Variants in PECAM1 observed in about 807,000 individuals in gnomAD.
PECAM1 encodes the protein platelet endothelial cell adhesion molecule.
PECAM1 carries 8 observed loss-of-function variants against 13.8 expected under a neutral mutation model. The observed-to-expected ratio is 0.58, with a 90% CI of 0.34 to 1.05. The LOEUF (loss-of-function observed/expected upper bound fraction) is 1.05. Ranked by LOEUF, PECAM1 falls within the 50% of genes least tolerant of loss-of-function variation. The pLI, the probability that PECAM1 is intolerant of heterozygous loss-of-function variation, is 0.03. For missense variants in PECAM1, 304 were observed against 141.2 expected, an observed-to-expected ratio of 2.15 and a Z score of -5.84; for synonymous variants, 136 against 52.6, an observed-to-expected ratio of 2.58 and a Z score of -6.86.
At chr17:64,371,728 G>A (rs1236389336) in intron 4 of PECAM1, among the ~76,000 whole-genome samples, 1 of 152,152 alleles carries the variant, frequency 6.6e-6, no homozygotes, top group Non-Finnish European at 1.5e-5. Context: ...TACTCAGGAG[G>A]CTGAGGCAGG....
At chr17:64,385,481 C>T (rs1272973868) in intron 2 of PECAM1, among the ~76,000 whole-genome samples, 2 of 152,128 alleles carry the variant, frequency 1.3e-5, no homozygotes, top group Non-Finnish European at 2.9e-5. Flanking sequence ...GCATAGAGTC[C>T]CTGATGAACT....
intron 15 of PECAM1, among the ~76,000 whole-genome samples, chr17:64,325,315 G>A (rs942575468): frequency 1.3e-5 from 2 of 152,152 alleles, no homozygotes; most frequent in African/African-American, 4.8e-5. Flanking sequence ...GTGAACCCGG[G>A]AGGCGGAGCT....
At position 64,322,476 on chromosome 17, in the gene PECAM1, C is replaced by T; in HGVS notation, c.*1340G>A. ...CCTCAGCACTATAGATGCATGTGGC[C>T]CCTCAGAAGACAACATTTCACAGAT... On this transcript the variant is annotated 3_prime_UTR_variant, in exon 16 of 16. Transcript: ENST00000563924. 2.0e-6 allele frequency: 2 copies of T among 985,396 alleles called. No individual in the cohort carries two copies. Among genetic ancestry groups the T allele is most frequent in the Non-Finnish European group, 2.4e-6 (2 of 829,958 alleles). The allele number at this position is 985,396 out of a possible 1,614,324, so 61.0% of individuals were successfully genotyped here. A position where few individuals can be genotyped will look rare whatever the true frequency, so the allele number is the denominator to read the frequency against.
rs1025001624 is a variant in PECAM1, at chr17:64,350,977, A to G, written c.1991-544T>C. On this transcript the variant is annotated intron_variant, in intron 11 of 15. Coordinates refer to ENST00000563924, the MANE Select transcript of PECAM1 (RefSeq NM_000442.5). ...CTGCAACCTCCACCTCCCAGGTTCA[A>G]GGGATTCTCCTGCCTCAGCCTGCTG... Among the ~76,000 whole-genome samples, 60 of 152,256 alleles carry G rather than the reference A, an allele frequency of 3.9e-4. 1 individual carries two copies. Among genetic ancestry groups the G allele is most frequent in the Non-Finnish European group, 7.6e-4 (52 of 68,018 alleles).
At chr17:64,375,685 G>A (rs111221638) in intron 3 of PECAM1, among the ~76,000 whole-genome samples, 212 of 151,890 alleles carry the variant, frequency 1.4e-3, no homozygotes, top group African/African-American at 4.8e-3. Context: ...TTAGCCAGGG[G>A]TAGTTAGTGG....
chr17:64,356,644 T>C (rs12948665), intron 7 of PECAM1, among the ~76,000 whole-genome samples: 58,058 of 151,696 alleles, frequency 0.38, 12,981 homozygotes, highest in East Asian at 0.53. Context: ...CCAGCTAACT[T>C]TTTGGATTTT....
At chr17:64,339,615 CG>C (rs2035374741) in intron 14 of PECAM1, among the ~76,000 whole-genome samples, 1 of 151,738 alleles carries the variant, frequency 6.6e-6, no homozygotes, top group Non-Finnish European at 1.5e-5. Flanking sequence ...AAATAGAGAA[CG>C]GCTGTTTATT....
intron 3 of PECAM1, among the ~76,000 whole-genome samples, chr17:64,375,683 G>A (rs1255577371): frequency 1.1e-4 from 16 of 151,652 alleles, no homozygotes; most frequent in Non-Finnish European, 2.1e-4. Context: ...AATTAGCCAG[G>A]GGTAGTTAGT....
At position 64,323,259 on chromosome 17, in the gene PECAM1, C is replaced by A. The variant is rs1486931742; in HGVS notation, c.*557G>T. On this transcript the variant is annotated 3_prime_UTR_variant, in exon 16 of 16. Coordinates refer to ENST00000563924, the MANE Select transcript of PECAM1 (RefSeq NM_000442.5). ...TTCACAGGCGGTGCTCCCAAGTAGT[C>A]TGGTTTTCCCATTTGTGGAGGGCGA... 3 of 992,648 alleles carry A rather than the reference C, an allele frequency of 3.0e-6. No homozygotes were observed. Among genetic ancestry groups the A allele is most frequent in the Non-Finnish European group, 3.6e-6 (3 of 834,322 alleles). The allele number at this position is 992,648 out of a possible 1,614,324, so 61.5% of individuals were successfully genotyped here.
At chr17:64,334,948 C>T (rs1281203425) in intron 14 of PECAM1, among the ~76,000 whole-genome samples, 1 of 152,138 alleles carries the variant, frequency 6.6e-6, no homozygotes, top group Non-Finnish European at 1.5e-5. Context: ...CTCCTTCCAA[C>T]AAGAAGCAGA....
chr17:64,367,443 G>A (rs1165033126), intron 5 of PECAM1, among the ~76,000 whole-genome samples: 2 of 151,784 alleles, frequency 1.3e-5, no homozygotes, highest in Non-Finnish European at 2.9e-5. Context: ...CCAGCTACTC[G>A]GGAGGCTGAG....
At chr17:64,387,649 C>T (rs1247522552) in intron 2 of PECAM1, among the ~76,000 whole-genome samples, 7 of 152,190 alleles carry the variant, frequency 4.6e-5, no homozygotes, top group East Asian at 3.9e-4. Flanking sequence ...ATGTGTCCTC[C>T]GAGGCCGGGA....
chr17:64,343,368 C>G (rs2035482572), intron 13 of PECAM1, among the ~76,000 whole-genome samples: 4 of 152,120 alleles, frequency 2.6e-5, no homozygotes, highest in African/African-American at 9.7e-5. Flanking sequence ...CACACCCACA[C>G]TCACTCTCCC....
chr17:64,361,350 TG>T (rs1306110038), intron 6 of PECAM1, among the ~76,000 whole-genome samples: 2 of 152,026 alleles, frequency 1.3e-5, no homozygotes, highest in Non-Finnish European at 2.9e-5. Context: ...TTCACCATGT[TG>T]GCCAGGCTGG....
chr17:64,343,953 C>A lies in PECAM1; in HGVS notation c.2108-2263G>T, dbSNP rs1384041470. Among the ~76,000 whole-genome samples the A allele has an allele frequency of 2.0e-5, 3 of 152,310 alleles. No individual in the cohort carries two copies. In the East Asian group the frequency reaches 5.8e-4, roughly 29 times the overall value. On this transcript the variant is annotated intron_variant, in intron 13 of 15. Coordinates refer to ENST00000563924, the MANE Select transcript of PECAM1 (RefSeq NM_000442.5). ...AGAATCCTAGACACCTAGTGTGAAC[C>A]CCGCACTGTGGAAGAGGAAAGGTGA...
At chr17:64,362,811 T>G (rs2036015266) in intron 6 of PECAM1, among the ~76,000 whole-genome samples, 1 of 150,000 alleles carries the variant, frequency 6.7e-6, no homozygotes, top group Admixed American at 6.8e-5. Flanking sequence ...ATCGTGCCAC[T>G]GCACTCTAGC....
intron 14 of PECAM1, among the ~76,000 whole-genome samples, chr17:64,335,416 T>G (rs71377740): frequency 0.073 from 10,744 of 147,178 alleles, 480 homozygotes; most frequent in Non-Finnish European, 0.11. Context: ...AAAAAAAAAG[T>G]AGACAAAAGT....
At chr17:64,359,937 G>C (rs1049113314) in intron 7 of PECAM1, among the ~76,000 whole-genome samples, 4 of 152,034 alleles carry the variant, frequency 2.6e-5, no homozygotes, top group Non-Finnish European at 4.4e-5. Context: ...ATTTTTAGTA[G>C]AGATGGGGTT....
In PECAM1 at chr17:64,376,309, TAAATAA is replaced by T. The variant is rs2036357279; in HGVS notation, c.386-959_386-954del. 3.0e-3 allele frequency among the ~76,000 whole-genome samples: 8 copies of T among 2,658 alleles called. No individual in the cohort carries two copies. In the Non-Finnish European group the frequency reaches 0.08, roughly 26 times the overall value. The allele number at this position is 2,658 out of a possible 152,430, so 1.7% of individuals were successfully genotyped here. A position where few individuals can be genotyped will look rare whatever the true frequency, so the allele number is the denominator to read the frequency against. ...AACAGAGTGAGACTCTGTCTAAAAA[TAAATAA>T]ATAAATAAATAAATAAATAAATAAA... On this transcript the variant is annotated intron_variant, in intron 3 of 15. Coordinates refer to ENST00000563924, the MANE Select transcript of PECAM1 (RefSeq NM_000442.5).
Sources: allele counts gnomAD v4.1 joint callset (sites outside exome capture counted in the v4.1 genomes callset), GRCh38; gene constraint gnomAD v4.1.1; transcripts MANE v1.5; gene names NCBI Gene and HGNC (gene_info 2026-07-23, HGNC 2026-07-21).